Variants in LRRC41 observed in about 807,000 individuals in gnomAD.
LRRC41 encodes the protein leucine-rich repeat-containing protein 41.
A neutral mutation model predicts 72.1 loss-of-function variants in LRRC41; 17 were observed. The ratio of observed to expected loss-of-function variants is 0.24; its 90% CI spans 0.16 to 0.35. LRRC41 has a LOEUF of 0.35. Among genes scored for constraint, LRRC41 ranks in the 10% least tolerant of loss-of-function variants. The pLI is 1.00. For missense variants in LRRC41, 759 were observed against 1,065.0 expected (o/e 0.71, Z 4.00); for synonymous variants, 427 against 431.0 (o/e 0.99, Z 0.11).
Position 46,278,294 on chromosome 1 carries a change from T to C in LRRC41, c.*571A>G. ...GGGGCCTCCGCTGATAACCAGCTGGTCTGGGTGTAGCTCTTAGAGGAAGGA... is the reference window on the plus strand; with the variant it reads ...GGGGCCTCCGCTGATAACCAGCTGGCCTGGGTGTAGCTCTTAGAGGAAGGA... On this transcript the variant is annotated 3_prime_UTR_variant, in exon 10 of 10. Coordinates refer to ENST00000617190, the MANE Select transcript of LRRC41 (RefSeq NM_006369.5). 6.2e-7 allele frequency: 1 copy of C among 1,606,268 alleles called. No individual in the cohort carries two copies. The highest frequency in any genetic ancestry group is 8.5e-7 in the Non-Finnish European group (1 of 1,176,602).
chr1:46,284,806 T>C (rs146451066), intron 4 of LRRC41, among the ~76,000 whole-genome samples: 94 of 152,304 alleles, frequency 6.2e-4, no homozygotes, highest in African/African-American at 2.1e-3. Flanking sequence ...AGTGATCATA[T>C]AGTAACACTG....
chr1:46,277,672 A>C lies in LRRC41; in HGVS notation c.*1193T>G. ...CTGGGAAAATGGACCTCAGCTGAGTAGAGATAATGTTCTGGGACTCATACT... is the reference window on the plus strand; with the variant it reads ...CTGGGAAAATGGACCTCAGCTGAGTCGAGATAATGTTCTGGGACTCATACT... On this transcript the variant is annotated 3_prime_UTR_variant, in exon 10 of 10. Transcript: ENST00000617190. The C allele has an allele frequency of 1.8e-5, 16 of 907,940 alleles. No individual in the cohort carries two copies. Among genetic ancestry groups the C allele is most frequent in the Non-Finnish European group, 2.3e-5 (13 of 576,088 alleles). The allele number at this position is 907,940 out of a possible 1,614,324, so 56.2% of individuals were successfully genotyped here. A position where few individuals can be genotyped will look rare whatever the true frequency, so the allele number is the denominator to read the frequency against.
At chr1:46,282,337 G>A (rs1472841942) in intron 4 of LRRC41, among the ~76,000 whole-genome samples, 1 of 152,204 alleles carries the variant, frequency 6.6e-6, no homozygotes, top group South Asian at 2.1e-4. Context: ...CCCACAGCAT[G>A]GACTAGGATC....
At chr1:46,297,484 AC>A (rs1260828351) in intron 3 of LRRC41, 78 bp downstream of exon 3, 85 of 1,147,298 alleles carry the variant, frequency 7.4e-5, no homozygotes, top group Non-Finnish European at 1.0e-4. Flanking sequence ...CTTTATCAGT[AC>A]CCAGCTTGTG....
chr1:46,280,375 A>T (rs1338885464), intron 6 of LRRC41, 21 bp downstream of exon 6: 1 of 1,614,020 alleles, frequency 6.2e-7, no homozygotes, highest in Non-Finnish European at 8.5e-7. Context: ...CTCTCCCTTC[A>T]CCATTCTGGC....
rs771438982 is a variant in LRRC41, at chr1:46,278,181, C to T, written c.*684G>A. ...GAACCACTGCACTGATAAGTGGGGGCTCCGGGATGAGGTACTCCAGGCTGC... is the reference window on the plus strand; with the variant it reads ...GAACCACTGCACTGATAAGTGGGGGTTCCGGGATGAGGTACTCCAGGCTGC... On this transcript the variant is annotated 3_prime_UTR_variant, in exon 10 of 10. Transcript: ENST00000617190. 6.2e-7 allele frequency: 1 copy of T among 1,613,796 alleles called. No homozygotes were observed.
At chr1:46,281,696 G>A (rs17102110) in intron 4 of LRRC41, among the ~76,000 whole-genome samples, 1 of 152,220 alleles carries the variant, frequency 6.6e-6, no homozygotes, top group Non-Finnish European at 1.5e-5. Flanking sequence ...GACAGTAGCA[G>A]TTCTCTGGAT....
rs202179406 is a variant in LRRC41, at chr1:46,279,204, A to T, written c.2197T>A (p.Ser733Thr). The change falls in exon 9 of 10, where the codon TCT becomes ACT. Residue 733 changes from serine (S) to threonine (T), a missense_variant. Physicochemically the swap from Ser to Thr is moderately conservative, Grantham distance 58 (BLOSUM62 1). Transcript: ENST00000617190. This position sits in a 1 kb window ranked among gnomAD's most constrained non-coding sequence, Gnocchi z 4.5. The part of the protein sequence containing the change: ...ADVFSEDSSS[S>T]LCQLDISSNC... ...TACCTGATGTCCAGCTGACAGAGAG[A>T]GGAGGATGAATCCTCTGAGAAAACA... 42 of 1,613,954 alleles carry T rather than the reference A, an allele frequency of 2.6e-5. No individual in the cohort carries two copies. Among genetic ancestry groups the T allele is most frequent in the Non-Finnish European group, 3.4e-5 (40 of 1,179,990 alleles).
At chr1:46,290,651 G>A (rs1395444356) in intron 3 of LRRC41, among the ~76,000 whole-genome samples, 2 of 149,882 alleles carry the variant, frequency 1.3e-5, no homozygotes, top group Non-Finnish European at 3.0e-5. Flanking sequence ...CCCTGGTCTG[G>A]GCTGGAGTGC....
Position 46,302,241 on chromosome 1 carries a change from G to A in LRRC41, c.199+883C>T. On this transcript the variant is annotated intron_variant, in intron 1 of 9. Transcript: ENST00000617190. This position sits in a 1 kb window ranked among gnomAD's most constrained non-coding sequence, Gnocchi z 4.7. Reference sequence around the variant, plus strand: ...CGGCGCCGCGCCCCCTGCCACGGCAGCCCGGCAGTCCGGGATCCCCGGGCC... The same window carrying A: ...CGGCGCCGCGCCCCCTGCCACGGCAACCCGGCAGTCCGGGATCCCCGGGCC... 1.0e-6 allele frequency: 1 copy of A among 985,314 alleles called. No homozygotes were observed. The highest frequency in any genetic ancestry group is 1.1e-4 in the East Asian group (1 of 8,774). 61.0% of individuals were successfully genotyped at this position (985,314 alleles called of 1,614,324 possible). A position where few individuals can be genotyped will look rare whatever the true frequency, so the allele number is the denominator to read the frequency against.
intron 3 of LRRC41, among the ~76,000 whole-genome samples, chr1:46,292,640 G>A (rs1022401484): frequency 2.0e-5 from 3 of 152,150 alleles, no homozygotes; most frequent in Non-Finnish European, 4.4e-5. Context: ...GGATTTTTGT[G>A]TATTTCATGA....
intron 3 of LRRC41, chr1:46,297,362 C>T: frequency 2.1e-6 from 1 of 487,018 alleles, no homozygotes; most frequent in Non-Finnish European, 3.7e-6. Context: ...TGTTTTGTGT[C>T]CCCTGCAAAT....
At position 46,283,399 on chromosome 1, in the gene LRRC41, A is replaced by G. The variant is rs372302193; in HGVS notation, c.1495+1963T>C. On this transcript the variant is annotated intron_variant, in intron 4 of 9. Transcript: ENST00000617190. ...TGTAGGAGGCCGAGGTTGGTGGATC[A>G]CTTGAGGCCAAGAGTTCGAGACCAG... Among the ~76,000 whole-genome samples the G allele has an allele frequency of 6.6e-5, 10 of 152,318 alleles. No homozygotes were observed. The East Asian group carries it at 1.7e-3, about 26-fold the overall frequency.
In LRRC41 at chr1:46,286,340, G is replaced by A. The variant is rs1660884069; in HGVS notation, c.517C>T (p.Leu173=). 2 of 1,614,264 alleles carry A rather than the reference G, an allele frequency of 1.2e-6. No homozygotes were observed. Among genetic ancestry groups the A allele is most frequent in the South Asian group, 2.2e-5 (2 of 91,086 alleles). Residue 173 remains leucine (L), a synonymous_variant, in exon 4 of 10, where the codon CTG becomes TTG. Transcript: ENST00000617190. This position sits in a 1 kb window ranked among gnomAD's most constrained non-coding sequence, Gnocchi z 5.5. ...GCCACCAGCTCGGTTGCACCCTGCA[G>A]CATGTTACAGATGGTGAGCTGTCGG... is the stretch of plus-strand genomic sequence containing the variant. The part of the protein sequence containing the change: ...HVRQLTICNM[L]QGATELVAEP...
At chr1:46,294,008 AC>A (rs1369858563) in intron 3 of LRRC41, among the ~76,000 whole-genome samples, 1 of 147,576 alleles carries the variant, frequency 6.8e-6, no homozygotes, top group African/African-American at 2.5e-5. Context: ...GTATCTGCCC[AC>A]CTCAGCCTCC....
Position 46,278,521 on chromosome 1 carries a change from A to G in LRRC41, c.*344T>C, listed in dbSNP as rs962205979. ...AAGCCCAGCAGGGAAGAAGCCCCCT[A>G]TACTTCTCTAAAGCCTGGGTGCCTG... is the stretch of plus-strand genomic sequence containing the variant. On this transcript the variant is annotated 3_prime_UTR_variant, in exon 10 of 10. Coordinates refer to ENST00000617190, the MANE Select transcript of LRRC41 (RefSeq NM_006369.5). The G allele has an allele frequency of 1.6e-6, 1 of 626,522 alleles. No homozygotes were observed. Among genetic ancestry groups the G allele is most frequent in the African/African-American group, 1.8e-5 (1 of 54,328 alleles). The allele number at this position is 626,522 out of a possible 1,614,324, so 38.8% of individuals were successfully genotyped here. A position where few individuals can be genotyped will look rare whatever the true frequency, so the allele number is the denominator to read the frequency against.
chr1:46,279,171 C>T lies in LRRC41; in HGVS notation c.2219+11G>A, dbSNP rs1449382656. 3 of 1,613,930 alleles carry T rather than the reference C, an allele frequency of 1.9e-6. No individual in the cohort carries two copies. The East Asian group carries it at 6.7e-5, about 36-fold the overall frequency. On this transcript the variant is annotated intron_variant, in intron 9 of 9. Coordinates refer to ENST00000617190, the MANE Select transcript of LRRC41 (RefSeq NM_006369.5). The surrounding 1 kb of genome is among the most constrained non-coding windows in gnomAD (Gnocchi z 4.5). ...AGCCCCATCCCTTGTCTTGCCCCTCCCCTCATGTACCTGATGTCCAGCTGA... is the reference window on the plus strand; with the variant it reads ...AGCCCCATCCCTTGTCTTGCCCCTCTCCTCATGTACCTGATGTCCAGCTGA...
chr1:46,278,667 T>A lies in LRRC41; in HGVS notation c.*198A>T. 1 of 628,356 alleles carries A rather than the reference T, an allele frequency of 1.6e-6. No individual in the cohort carries two copies. The highest frequency in any genetic ancestry group is 2.0e-5 in the South Asian group (1 of 50,608). The allele number at this position is 628,356 out of a possible 1,614,324, so 38.9% of individuals were successfully genotyped here. A position where few individuals can be genotyped will look rare whatever the true frequency, so the allele number is the denominator to read the frequency against. On this transcript the variant is annotated 3_prime_UTR_variant, in exon 10 of 10. Transcript: ENST00000617190. ...TACTGAGTAAGGGGCCCAAAGACTA[T>A]AAACCCAGCTGTGAGAATGCCTGTT...
intron 3 of LRRC41, chr1:46,297,285 T>C (rs527416744): frequency 5.9e-6 from 2 of 339,666 alleles, no homozygotes; most frequent in South Asian, 1.0e-4. Flanking sequence ...ATTTGACCAC[T>C]GCACCAACAC....
Sources: gnomAD v4.1 joint callset for allele counts (sites outside exome capture counted in the v4.1 genomes callset) on GRCh38, gnomAD v4.1.1 for gene constraint, Gnocchi (gnomAD v3.1) non-coding constraint, MANE v1.5 for transcripts, NCBI Gene and HGNC (gene_info 2026-07-23, HGNC 2026-07-21) for gene names.